The following GRXCR2 variants were observed in gnomAD, a reference collection of about 807,000 sequenced individuals.
The protein encoded by GRXCR2 is glutaredoxin and cysteine rich domain containing 2.
In GRXCR2, 23 loss-of-function variants were observed where a neutral mutation model predicts 24.8. The ratio of observed to expected loss-of-function variants is 0.93; its 90% CI spans 0.67 to 1.32. GRXCR2 has a LOEUF of 1.32. GRXCR2 is among the 40% of genes most tolerant of loss of function. The pLI is 0.00. For synonymous variants in GRXCR2, 130 were observed against 116.1 expected, an observed-to-expected ratio of 1.12 and a Z score of -0.77; for missense variants, 315 against 303.4, an observed-to-expected ratio of 1.04 and a Z score of -0.28.
chr5:145,919,241 T>C (rs1292822700), intron 2 of GRXCR2, among the ~76,000 whole-genome samples: 1 of 152,136 alleles, frequency 6.6e-6, no homozygotes, highest in African/African-American at 2.4e-5. Context: ...CGAACATTGC[T>C]GGATAATTCT....
chr5:145,927,623 C>T (rs1430099545), intron 2 of GRXCR2, among the ~76,000 whole-genome samples: 2 of 152,062 alleles, frequency 1.3e-5, no homozygotes, highest in East Asian at 1.9e-4. Context: ...CTGTTGGATT[C>T]GGTTTGGCAG....
chr5:145,876,500 A>G (rs1211748188), upstream of GRXCR2, among the ~76,000 whole-genome samples: 2 of 151,940 alleles, frequency 1.3e-5, no homozygotes, highest in Admixed American at 6.6e-5. Flanking sequence ...ATTTTCTTCT[A>G]TCTCTCCCAG....
At chr5:145,931,250 T>C (rs1475759951) in intron 2 of GRXCR2, among the ~76,000 whole-genome samples, 6 of 152,130 alleles carry the variant, frequency 3.9e-5, no homozygotes, top group Non-Finnish European at 7.4e-5. Context: ...CAGGCTGGTC[T>C]TGAACCCCTG....
rs141786289 is a variant in GRXCR2, at chr5:145,900,901, C to T, written c.-69-34173G>A. 2.6e-4 allele frequency among the ~76,000 whole-genome samples: 40 copies of T among 152,264 alleles called. 1 individual carries two copies. The East Asian group carries it at 7.7e-3, about 29-fold the overall frequency. On this transcript the variant is annotated intron_variant, in intron 2 of 3. Transcript: ENST00000639411. ...TCATGGATTCAACCTAGGTGCCCAT[C>T]AGTGGTGGATTGTATTTTTTAAAGG...
intron 2 of GRXCR2, among the ~76,000 whole-genome samples, chr5:145,924,034 G>A (rs942748913): frequency 2.6e-5 from 4 of 152,024 alleles, no homozygotes; most frequent in Non-Finnish European, 2.9e-5. Context: ...GCTGAAGTTA[G>A]TTAGGATACA....
chr5:145,887,241 T>C (rs1756790976), intron 2 of GRXCR2, among the ~76,000 whole-genome samples: 1 of 152,206 alleles, frequency 6.6e-6, no homozygotes, highest in Admixed American at 6.5e-5. Flanking sequence ...GGACCACAGG[T>C]GTTTGCCACC....
At chr5:145,894,781 T>A (rs1037250200) in intron 2 of GRXCR2, among the ~76,000 whole-genome samples, 1 of 152,172 alleles carries the variant, frequency 6.6e-6, no homozygotes, top group Non-Finnish European at 1.5e-5. Context: ...TAACTCATTT[T>A]ATGAGGACAG....
At chr5:145,918,879 C>T (rs965626404) in intron 2 of GRXCR2, among the ~76,000 whole-genome samples, 3 of 152,196 alleles carry the variant, frequency 2.0e-5, no homozygotes, top group African/African-American at 7.2e-5. Context: ...ACCTCACACC[C>T]TGGAAAAGCC....
chr5:145,931,599 G>A (rs1376819549), intron 2 of GRXCR2, among the ~76,000 whole-genome samples: 1 of 152,140 alleles, frequency 6.6e-6, no homozygotes, highest in African/African-American at 2.4e-5. Context: ...AACCCTGTCA[G>A]TCTGATTTTC....
At chr5:145,862,073 A>G (rs1665470938) in intron 2 of GRXCR2, among the ~76,000 whole-genome samples, 1 of 152,254 alleles carries the variant, frequency 6.6e-6, no homozygotes, top group Admixed American at 6.5e-5. Context: ...ATATTCTTAA[A>G]GCAAGTTGCC....
At chr5:145,890,522 A>G (rs2149918761) in intron 2 of GRXCR2, among the ~76,000 whole-genome samples, 1 of 152,336 alleles carries the variant, frequency 6.6e-6, no homozygotes, top group African/African-American at 2.4e-5. Context: ...TGAAAAAATA[A>G]TTCAAGAGAA....
At chr5:145,877,700 T>C (rs758385794), upstream of GRXCR2, among the ~76,000 whole-genome samples, 1 of 152,188 alleles carries the variant, frequency 6.6e-6, no homozygotes, top group South Asian at 2.1e-4. Context: ...GTTCATCTCA[T>C]TGAGACTGGT....
At chr5:145,910,812 G>A (rs572885670) in intron 2 of GRXCR2, among the ~76,000 whole-genome samples, 1 of 151,256 alleles carries the variant, frequency 6.6e-6, no homozygotes, top group African/African-American at 2.4e-5. Context: ...AAATCAAAGG[G>A]TAGATAAGAA....
chr5:145,903,454 C>T lies in GRXCR2; in HGVS notation c.-70+32247G>A, dbSNP rs1561687298. Reference sequence around the variant, plus strand: ...TATCTGTCTTCCCCAAAACTTACTCCCTATCCTTCATCAGAGCTGCCACTG... The same window carrying T: ...TATCTGTCTTCCCCAAAACTTACTCTCTATCCTTCATCAGAGCTGCCACTG... On this transcript the variant is annotated intron_variant, in intron 2 of 3. Transcript: ENST00000639411. Among the ~76,000 whole-genome samples, 4 of 152,132 alleles carry T rather than the reference C, an allele frequency of 2.6e-5. No individual in the cohort carries two copies. In the South Asian group the frequency reaches 8.3e-4, roughly 32 times the overall value.
intron 2 of GRXCR2, among the ~76,000 whole-genome samples, chr5:145,915,317 C>G (rs1757221177): frequency 6.6e-6 from 1 of 152,120 alleles, no homozygotes; most frequent in Non-Finnish European, 1.5e-5. Flanking sequence ...TTTGCAAACC[C>G]TTCTAGTTAT....
At chr5:145,906,766 CA>C (rs1400934797) in intron 2 of GRXCR2, among the ~76,000 whole-genome samples, 1 of 152,278 alleles carries the variant, frequency 6.6e-6, no homozygotes, top group Non-Finnish European at 1.5e-5. Context: ...CAAAAATAGA[CA>C]AAAGTTCCTT....
At chr5:145,876,541 T>A (rs896523612), upstream of GRXCR2, among the ~76,000 whole-genome samples, 66 of 152,104 alleles carry the variant, frequency 4.3e-4, no homozygotes, top group African/African-American at 1.5e-3. Flanking sequence ...ACCAATAGCC[T>A]ATCTTCATCT....
At chr5:145,905,233 AG>A (rs1372464579) in intron 2 of GRXCR2, among the ~76,000 whole-genome samples, 2 of 152,234 alleles carry the variant, frequency 1.3e-5, no homozygotes, top group Non-Finnish European at 2.9e-5. Flanking sequence ...ACCACTTATC[AG>A]CTATGCAGCC....
intron 1 of GRXCR2, among the ~76,000 whole-genome samples, chr5:145,866,983 G>T (rs925333536): frequency 2.0e-5 from 3 of 152,146 alleles, no homozygotes; most frequent in Admixed American, 1.3e-4. Flanking sequence ...AGAGTCTGGA[G>T]GGCAGGGGCT....
Sources: gnomAD v4.1 joint callset for allele counts (sites outside exome capture counted in the v4.1 genomes callset) on GRCh38, gnomAD v4.1.1 for gene constraint, MANE v1.5 for transcripts, NCBI Gene and HGNC (gene_info 2026-07-23, HGNC 2026-07-21) for gene names.